The following PDE1C variants were observed in gnomAD, a reference collection of about 807,000 sequenced individuals.
PDE1C encodes dual specificity calcium/calmodulin-dependent 3',5'-cyclic nucleotide phosphodiesterase 1C.
Under a neutral mutation model 93.1 loss-of-function variants are expected in PDE1C, and 62 were observed. That is an observed-to-expected ratio of 0.67 (90% CI 0.54 to 0.82). The LOEUF is 0.82. PDE1C is among the 40% of genes least tolerant of loss of function. The probability of loss-of-function intolerance (pLI) is 0.00; values close to 1 mark genes in which losing one functional copy is unlikely to be tolerated. For missense variants in PDE1C, 742 were observed against 884.6 expected (o/e 0.84, Z 2.04); for synonymous variants, 325 against 310.1 (o/e 1.05, Z -0.50).
the PDE1C span, among the ~76,000 whole-genome samples, chr7:31,682,665 A>C: frequency 5.9e-5 from 9 of 152,200 alleles, no homozygotes; most frequent in African/African-American, 1.9e-4. Context: ...ACACCAAAAG[A>C]AGTACACAAT....
intron 16 of PDE1C, among the ~76,000 whole-genome samples, chr7:31,804,296 T>C (rs1786494676): frequency 6.6e-6 from 1 of 151,886 alleles, no homozygotes; most frequent in Non-Finnish European, 1.5e-5. Flanking sequence ...GTCTTTTACC[T>C]AATTTTCTTT....
the PDE1C span, among the ~76,000 whole-genome samples, chr7:31,722,957 T>C: frequency 6.6e-6 from 1 of 152,228 alleles, no homozygotes; most frequent in Non-Finnish European, 1.5e-5. Context: ...ATCCTTTTCT[T>C]GTGTCTTCTG....
At chr7:31,910,832 T>C (rs1173999208) in intron 2 of PDE1C, among the ~76,000 whole-genome samples, 1 of 152,184 alleles carries the variant, frequency 6.6e-6, no homozygotes, top group Non-Finnish European at 1.5e-5. Context: ...AAGTTTATAA[T>C]GCATTTAAGA....
chr7:31,744,366 A>G, the PDE1C span, among the ~76,000 whole-genome samples: 7 of 152,266 alleles, frequency 4.6e-5, no homozygotes, highest in South Asian at 1.5e-3. Context: ...GTGAATGAAA[A>G]TGGTATACTT....
chr7:31,702,296 C>T, the PDE1C span, among the ~76,000 whole-genome samples: 9 of 151,874 alleles, frequency 5.9e-5, no homozygotes, highest in African/African-American at 2.2e-4. Context: ...TGTTTTCAGA[C>T]TTGCTAGGAA....
intron 1 of PDE1C, among the ~76,000 whole-genome samples, chr7:32,389,128 A>G (rs1001833620): frequency 6.6e-6 from 1 of 150,472 alleles, no homozygotes; most frequent in African/African-American, 2.5e-5. Flanking sequence ...GGTTATCTAC[A>G]GTGGAACAAC....
At chr7:31,949,270 C>G (rs188267953) in intron 2 of PDE1C, among the ~76,000 whole-genome samples, 9 of 152,192 alleles carry the variant, frequency 5.9e-5, no homozygotes, top group Admixed American at 3.3e-4. Flanking sequence ...ATCAGCCTGG[C>G]TAACATGGTG....
chr7:31,731,604 G>A, the PDE1C span, among the ~76,000 whole-genome samples: 1 of 152,174 alleles, frequency 6.6e-6, no homozygotes, highest in African/African-American at 2.4e-5. Flanking sequence ...TGGTCAGGCT[G>A]GTCTCGAACT....
At chr7:32,168,943 T>C (rs1802474374) in intron 3 of PDE1C, among the ~76,000 whole-genome samples, 1 of 152,186 alleles carries the variant, frequency 6.6e-6, no homozygotes, top group Admixed American at 6.5e-5. Context: ...ACGAGGTTTA[T>C]ATGTTCTGCT....
At chr7:31,693,137 C>A in the PDE1C span, among the ~76,000 whole-genome samples, 3 of 152,056 alleles carry the variant, frequency 2.0e-5, no homozygotes, top group Admixed American at 6.5e-5. Context: ...TATGACTCCC[C>A]CCTCCTCTCC....
chr7:32,332,249 A>G lies in PDE1C; in HGVS notation c.310+95573T>C, dbSNP rs936089197. Among the ~76,000 whole-genome samples, 25 of 152,224 alleles carry G rather than the reference A, an allele frequency of 1.6e-4. 1 individual carries two copies. The highest frequency in any genetic ancestry group is 6.0e-4 in the African/African-American group (25 of 41,460). ...TTGAACAGGCATTTCACAAAAAATA[A>G]AAATCAATTGCCAATAAACATATGA... On this transcript the variant is annotated intron_variant, in intron 1 of 1. Transcript: ENST00000672256.
chr7:32,295,169 C>T (rs961240787), intron 1 of PDE1C, among the ~76,000 whole-genome samples: 3 of 152,240 alleles, frequency 2.0e-5, no homozygotes, highest in Admixed American at 6.5e-5. Context: ...CCACATGCAG[C>T]AATGGTCTCA....
At chr7:32,188,150 T>C (rs1053369794) in intron 2 of PDE1C, among the ~76,000 whole-genome samples, 13 of 152,150 alleles carry the variant, frequency 8.5e-5, no homozygotes, top group Admixed American at 2.0e-4. Context: ...AGGTTTTTTT[T>C]CTTTGCAGGC....
At chr7:31,764,945 C>T (rs1018363502) in intron 17 of PDE1C, among the ~76,000 whole-genome samples, 2 of 152,096 alleles carry the variant, frequency 1.3e-5, no homozygotes, top group East Asian at 1.9e-4. Flanking sequence ...TCTACAGATC[C>T]GAATATTTCT....
chr7:31,655,322 C>G, the PDE1C span, among the ~76,000 whole-genome samples: 1 of 152,112 alleles, frequency 6.6e-6, no homozygotes, highest in African/African-American at 2.4e-5. Flanking sequence ...ATGACCACAC[C>G]AATGCTGAGT....
rs190808194 is a variant in PDE1C at position 31,817,193 on chromosome 7, T to C, written c.1583-1039A>G. Among the ~76,000 whole-genome samples the C allele has an allele frequency of 6.6e-5, 10 of 152,116 alleles. No individual in the cohort carries two copies. In the East Asian group the frequency reaches 1.9e-3, roughly 29 times the overall value. On this transcript the variant is annotated intron_variant, in intron 14 of 17. Coordinates refer to ENST00000396191, the MANE Select transcript of PDE1C (RefSeq NM_001191057.4). ...TCAGCATAGGGGAGGGAAATTGCAGTAGACAAGGAGGTGGAGAAGGAAGGC... is the reference window on the plus strand; with the variant it reads ...TCAGCATAGGGGAGGGAAATTGCAGCAGACAAGGAGGTGGAGAAGGAAGGC...
chr7:32,261,945 A>G (rs1179396907), intron 1 of PDE1C, among the ~76,000 whole-genome samples: 1 of 150,874 alleles, frequency 6.6e-6, no homozygotes, highest in Non-Finnish European at 1.5e-5. Context: ...AAAGCAAAAT[A>G]TTTACAAACA....
At chr7:31,866,085 T>G (rs191051798) in intron 6 of PDE1C, among the ~76,000 whole-genome samples, 74 of 152,260 alleles carry the variant, frequency 4.9e-4, no homozygotes, top group Non-Finnish European at 8.5e-4. Flanking sequence ...AATAAGGGCA[T>G]CCAGAAAACT....
intron 1 of PDE1C, among the ~76,000 whole-genome samples, chr7:32,307,725 A>C (rs1813047247): frequency 6.6e-6 from 1 of 152,174 alleles, no homozygotes; most frequent in Non-Finnish European, 1.5e-5. Flanking sequence ...ACTGTGATGT[A>C]AATTTTATAA....
Sources: gnomAD v4.1 joint callset for allele counts (sites outside exome capture counted in the v4.1 genomes callset) on GRCh38, gnomAD v4.1.1 for gene constraint, MANE v1.5 for transcripts, NCBI Gene and HGNC (gene_info 2026-07-23, HGNC 2026-07-21) for gene names.